The following SCGB2B2 variants were observed in gnomAD, a reference collection of about 807,000 sequenced individuals.
SCGB2B2 encodes the protein secretoglobin family 2B member 2.
A neutral mutation model predicts 7.6 loss-of-function variants in SCGB2B2; 11 were observed. That is an observed-to-expected ratio of 1.45 (90% CI 0.91 to 2.40). The LOEUF is 2.40. Ranked by LOEUF, SCGB2B2 falls within the 30% of genes most tolerant of loss-of-function variation. The pLI is 0.00. For synonymous variants in SCGB2B2, 50 were observed against 48.6 expected (o/e 1.03, Z -0.12); for missense variants, 104 against 115.4 (o/e 0.90, Z 0.45).
intron 1 of SCGB2B2, among the ~76,000 whole-genome samples, chr19:34,626,881 G>A (rs2066393370): frequency 6.6e-6 from 1 of 152,188 alleles, no homozygotes; most frequent in African/African-American, 2.4e-5. Flanking sequence ...ACCCACAAGG[G>A]GAAGCCCATC....
At chr19:34,599,603 T>C (rs1208644916) in intron 1 of SCGB2B2, among the ~76,000 whole-genome samples, 1 of 152,128 alleles carries the variant, frequency 6.6e-6, no homozygotes. Flanking sequence ...CATGAATCAA[T>C]GATCTCTCAC....
chr19:34,594,016 C>T (rs78892807), intron 3 of SCGB2B2, among the ~76,000 whole-genome samples, 159 bp downstream of exon 3: 2,636 of 152,026 alleles, frequency 0.017, 44 homozygotes, highest in East Asian at 0.088. Context: ...GCAGGAGGGC[C>T]CTGTTGGGGC....
At chr19:34,624,813 G>A (rs1035380358) in intron 1 of SCGB2B2, among the ~76,000 whole-genome samples, 2 of 152,134 alleles carry the variant, frequency 1.3e-5, no homozygotes, top group Non-Finnish European at 2.9e-5. Context: ...AGAGTGATGG[G>A]GGATTGATAA....
chr19:34,622,127 G>T (rs1325742643), intron 1 of SCGB2B2, among the ~76,000 whole-genome samples: 1 of 152,194 alleles, frequency 6.6e-6, no homozygotes, highest in African/African-American at 2.4e-5. Context: ...TGCTGTAACT[G>T]CTCAGAGGCA....
intron 1 of SCGB2B2, among the ~76,000 whole-genome samples, chr19:34,620,945 ATTATGT>A (rs1250141084): frequency 2.0e-5 from 3 of 152,190 alleles, no homozygotes; most frequent in Non-Finnish European, 2.9e-5. Flanking sequence ...GAAATCAGTA[ATTATGT>A]TTATGAGAAT....
intron 1 of SCGB2B2, among the ~76,000 whole-genome samples, chr19:34,611,523 CTCTT>C (rs1470777953): frequency 1.3e-5 from 2 of 152,050 alleles, no homozygotes; most frequent in South Asian, 2.1e-4. Context: ...TTCATCTGAA[CTCTT>C]TCTACTTTTT....
intron 1 of SCGB2B2, among the ~76,000 whole-genome samples, chr19:34,657,750 T>A (rs1036659523): frequency 6.6e-6 from 1 of 151,096 alleles, no homozygotes; most frequent in Non-Finnish European, 1.5e-5. Context: ...GCGGACCTAA[T>A]AGACATCTAC....
chr19:34,615,530 T>TC lies in SCGB2B2; in HGVS notation c.-2031-18937dup, dbSNP rs548541713. Among the ~76,000 whole-genome samples the TC allele has an allele frequency of 1.9e-3, 284 of 151,986 alleles. 4 individuals carry two copies. The highest frequency in any genetic ancestry group is 5.3e-3 in the African/African-American group (220 of 41,426). ...ACTTTTCTGATGCATTCCTGTACTC[T>TC]CCTTCAAGTATGTAGTTGTTTATTC... On this transcript the variant is annotated intron_variant, in intron 1 of 3. Transcript: ENST00000601241.
Position 34,675,894 on chromosome 19 carries a change from C to T in SCGB2B2, c.-2296G>A, listed in dbSNP as rs2067918858. On this transcript the variant is annotated 5_prime_UTR_variant, in exon 1 of 4. Transcript: ENST00000601241. Reference sequence around the variant, plus strand: ...GGCGTGTCTGGAGTTGTTCGTTCCTCCCAGTGGGTTTGTGGTCTCGCTGGC... The same window carrying T: ...GGCGTGTCTGGAGTTGTTCGTTCCTTCCAGTGGGTTTGTGGTCTCGCTGGC... 6.5e-6 allele frequency: 1 copy of T among 152,932 alleles called. No individual in the cohort carries two copies. Among genetic ancestry groups the T allele is most frequent in the Admixed American group, 6.5e-5 (1 of 15,286 alleles). The allele number at this position is 152,932 out of a possible 1,614,324, so 9.5% of individuals were successfully genotyped here.
At chr19:34,612,369 A>G (rs920103335) in intron 1 of SCGB2B2, among the ~76,000 whole-genome samples, 2 of 152,106 alleles carry the variant, frequency 1.3e-5, no homozygotes, top group African/African-American at 4.8e-5. Flanking sequence ...TTGTAGTGTT[A>G]TTTTATTGTA....
At chr19:34,616,267 G>A (rs2066076823) in intron 1 of SCGB2B2, among the ~76,000 whole-genome samples, 1 of 149,110 alleles carries the variant, frequency 6.7e-6, no homozygotes, top group Non-Finnish European at 1.5e-5. Flanking sequence ...TGGCCACACT[G>A]ACTTACACAA....
chr19:34,613,004 T>C (rs375604439), intron 1 of SCGB2B2, among the ~76,000 whole-genome samples: 2 of 152,232 alleles, frequency 1.3e-5, no homozygotes, highest in Admixed American at 6.5e-5. Context: ...TATAGTTTTA[T>C]GTTAAAATCT....
In SCGB2B2 at chr19:34,652,752, T is replaced by C. The variant is rs998015497; in HGVS notation, c.-2032+22878A>G. ...AAGAAGAGGGAACTCTGGTGTGCTGTTGGTGGGAATGTAAATTAGAACAGT... is the reference window on the plus strand; with the variant it reads ...AAGAAGAGGGAACTCTGGTGTGCTGCTGGTGGGAATGTAAATTAGAACAGT... On this transcript the variant is annotated intron_variant, in intron 1 of 3. Transcript: ENST00000601241. 2.3e-4 allele frequency among the ~76,000 whole-genome samples: 35 copies of C among 151,300 alleles called. 4 individuals are homozygous for C. The highest frequency in any genetic ancestry group is 8.6e-4 in the African/African-American group (35 of 40,580).
chr19:34,587,701 A>G (rs2065212418), downstream of SCGB2B2, among the ~76,000 whole-genome samples: 1 of 152,216 alleles, frequency 6.6e-6, no homozygotes. Context: ...GTTGGGCTAC[A>G]TTCCTTCTAT....
intron 1 of SCGB2B2, among the ~76,000 whole-genome samples, chr19:34,611,250 T>C (rs1303793469): frequency 1.3e-5 from 2 of 152,196 alleles, no homozygotes; most frequent in African/African-American, 2.4e-5. Context: ...TGTTGATTAT[T>C]TTTATCTTTT....
intron 1 of SCGB2B2, chr19:34,608,821 TTC>T (rs772465127): frequency 1.9e-4 from 27 of 145,922 alleles, no homozygotes; most frequent in East Asian, 1.6e-3. Context: ...CTAATTTTCT[TTC>T]TTTTTTTCTT....
intron 1 of SCGB2B2, among the ~76,000 whole-genome samples, chr19:34,605,765 T>A (rs910158935): frequency 6.6e-6 from 1 of 152,010 alleles, no homozygotes; most frequent in African/African-American, 2.4e-5. Context: ...TTTTTTTTTG[T>A]ATTTTTTTAG....
intron 1 of SCGB2B2, among the ~76,000 whole-genome samples, chr19:34,618,056 C>T (rs112963897): frequency 1.7e-4 from 26 of 152,280 alleles, no homozygotes; most frequent in Non-Finnish European, 2.5e-4. Context: ...GAGATGAACC[C>T]GGTACCTCAG....
intron 1 of SCGB2B2, among the ~76,000 whole-genome samples, chr19:34,615,738 G>A (rs1241908192): frequency 1.3e-5 from 2 of 152,034 alleles, no homozygotes; most frequent in South Asian, 2.1e-4. Flanking sequence ...TTTTGGAAGA[G>A]TTTAAAATAG....
Sources: gnomAD v4.1 joint callset for allele counts (sites outside exome capture counted in the v4.1 genomes callset) on GRCh38, gnomAD v4.1.1 for gene constraint, MANE v1.5 for transcripts, NCBI Gene and HGNC (gene_info 2026-07-23, HGNC 2026-07-21) for gene names.